CTCF: variants seen among roughly 807,000 people sequenced by gnomAD.
CTCF encodes transcriptional repressor CTCF.
Under a neutral mutation model 72.3 loss-of-function variants are expected in CTCF, and 7 were observed. The observed-to-expected ratio is 0.10, with a 90% CI of 0.06 to 0.18. CTCF has a LOEUF of 0.18. CTCF is among the 10% of genes least tolerant of loss of function. The pLI is 1.00. For synonymous variants in CTCF, 374 were observed against 315.8 expected (o/e 1.18, Z -1.95); for missense variants, 516 against 949.1 (o/e 0.54, Z 6.00).
At chr16:67,614,346 CAA>C (rs1216599508) in intron 4 of CTCF, 11 of 39,556 alleles carry the variant, frequency 2.8e-4, no homozygotes, top group East Asian at 8.1e-4. Context: ...GACTCCATCT[CAA>C]AAAAAAAAAA....
chr16:67,618,677 A>G (rs2052163982), intron 5 of CTCF, among the ~76,000 whole-genome samples: 1 of 152,218 alleles, frequency 6.6e-6, no homozygotes, highest in Admixed American at 6.5e-5. Context: ...ATAAGAGTTC[A>G]GTTCACTGGC....
chr16:67,622,579 T>C (rs1247030758), intron 7 of CTCF, among the ~76,000 whole-genome samples: 1 of 151,962 alleles, frequency 6.6e-6, no homozygotes, highest in Non-Finnish European at 1.5e-5. Context: ...CAGTTCTTTA[T>C]GAGTGAGCGA....
rs1449578407 is a variant in CTCF at position 67,638,064 on chromosome 16, C to T, written c.*192C>T. On this transcript the variant is annotated 3_prime_UTR_variant, in exon 12 of 12. Coordinates refer to ENST00000264010, the MANE Select transcript of CTCF (RefSeq NM_006565.4). Reference sequence around the variant, plus strand: ...ACTAGAACTTGCTGTCTGATGTTAGCAAATCATGGAATGTTCTGAGTCCCT... The same window carrying T: ...ACTAGAACTTGCTGTCTGATGTTAGTAAATCATGGAATGTTCTGAGTCCCT... 2 of 570,606 alleles carry T rather than the reference C, an allele frequency of 3.5e-6. No individual in the cohort carries two copies. Among genetic ancestry groups the T allele is most frequent in the Non-Finnish European group, 6.1e-6 (2 of 325,636 alleles). The allele number at this position is 570,606 out of a possible 1,614,324, so 35.3% of individuals were successfully genotyped here. A position where few individuals can be genotyped will look rare whatever the true frequency, so the allele number is the denominator to read the frequency against.
chr16:67,604,793 A>G (rs1287822380), intron 2 of CTCF, among the ~76,000 whole-genome samples: 1 of 144,772 alleles, frequency 6.9e-6, no homozygotes, highest in African/African-American at 2.6e-5. Flanking sequence ...TTTTTACTTA[A>G]AATTACATAT....
At chr16:67,634,293 C>A (rs1452289779) in intron 10 of CTCF, among the ~76,000 whole-genome samples, 6 of 151,888 alleles carry the variant, frequency 4.0e-5, no homozygotes, top group Admixed American at 3.9e-4. Context: ...CTGCAACCTC[C>A]GCCTCCCAGG....
chr16:67,566,863 GC>G (rs2051349466), intron 1 of CTCF, among the ~76,000 whole-genome samples: 1 of 151,510 alleles, frequency 6.6e-6, no homozygotes, highest in Non-Finnish European at 1.5e-5. Context: ...GAGCCACCGT[GC>G]CCGGCCTGTG....
rs1005422653 is a variant in CTCF, at chr16:67,622,272, C to T, written c.1357+681C>T. On this transcript the variant is annotated intron_variant, in intron 7 of 11. Transcript: ENST00000264010. ...TCGGGAGGCTGAGGCAGGAGAATGG[C>T]GTGAACCTGGGAGGTGGAGCTTGCA... Among the ~76,000 whole-genome samples, 7 of 151,684 alleles carry T rather than the reference C, an allele frequency of 4.6e-5. No individual in the cohort carries two copies. The South Asian group carries it at 6.3e-4, about 14-fold the overall frequency.
At chr16:67,619,757 T>A (rs1290415901) in intron 5 of CTCF, among the ~76,000 whole-genome samples, 3 of 152,146 alleles carry the variant, frequency 2.0e-5, no homozygotes, top group Admixed American at 2.0e-4. Flanking sequence ...CTAATTTTTG[T>A]ATTTTTTGTA....
chr16:67,621,305 A>G, intron 6 of CTCF, 137 bp from the exon 7 acceptor site: 1 of 626,478 alleles, frequency 1.6e-6, no homozygotes, highest in East Asian at 2.8e-5. Context: ...AGATCCGGGA[A>G]CTGGGACTGA....
chr16:67,614,735 T>G (rs2052109240), intron 4 of CTCF: 1 of 152,206 alleles, frequency 6.6e-6, no homozygotes, highest in Non-Finnish European at 1.5e-5. Flanking sequence ...TAATCCCAAC[T>G]ACTCGGGAGG....
chr16:67,591,722 G>C (rs75677655), intron 2 of CTCF, among the ~76,000 whole-genome samples: 9 of 146,650 alleles, frequency 6.1e-5, no homozygotes, highest in East Asian at 3.9e-4. Context: ...TACTTTTTTT[G>C]GGGGGGGGCA....
chr16:67,576,857 T>C (rs1463679009), intron 2 of CTCF, among the ~76,000 whole-genome samples: 2 of 152,142 alleles, frequency 1.3e-5, no homozygotes, highest in Non-Finnish European at 2.9e-5. Flanking sequence ...GTAGCCATTA[T>C]GTATAAAAAA....
Position 67,616,653 on chromosome 16 carries a change from C to T in CTCF, c.953-92C>T, listed in dbSNP as rs1029520601. ...TGCAGTTGATGGGATGAATAGGGTTCCAGTCTCATAGCAGTTCTGTGCCAC... is the reference window on the plus strand; with the variant it reads ...TGCAGTTGATGGGATGAATAGGGTTTCAGTCTCATAGCAGTTCTGTGCCAC... On this transcript the variant is annotated intron_variant, in intron 4 of 11. Transcript: ENST00000264010. 72 of 1,430,076 alleles carry T rather than the reference C, an allele frequency of 5.0e-5. 1 individual carries two copies. In the South Asian group the frequency reaches 8.6e-4, roughly 17 times the overall value. 88.6% of individuals were successfully genotyped at this position (1,430,076 alleles called of 1,614,324 possible). A position where few individuals can be genotyped will look rare whatever the true frequency, so the allele number is the denominator to read the frequency against.
At chr16:67,623,048 G>A (rs548706882) in intron 7 of CTCF, among the ~76,000 whole-genome samples, 7 of 151,400 alleles carry the variant, frequency 4.6e-5, no homozygotes, top group Non-Finnish European at 8.8e-5. Flanking sequence ...TGCAACCTCC[G>A]CCTCCTGGGT....
chr16:67,613,272 G>T (rs752349372), intron 4 of CTCF, among the ~76,000 whole-genome samples: 3 of 152,158 alleles, frequency 2.0e-5, no homozygotes, highest in Admixed American at 1.3e-4. Flanking sequence ...TCTTGTTTTT[G>T]ATTTTTAGGT....
chr16:67,616,554 C>T, intron 4 of CTCF, 191 bp from the exon 5 acceptor site: 3 of 611,696 alleles, frequency 4.9e-6, no homozygotes, highest in Non-Finnish European at 8.7e-6. Flanking sequence ...TTATAATATC[C>T]TGGTGTTAGT....
chr16:67,577,288 G>A (rs1422218163), intron 2 of CTCF, among the ~76,000 whole-genome samples: 22 of 150,630 alleles, frequency 1.5e-4, no homozygotes, highest in Non-Finnish European at 2.7e-4. Flanking sequence ...ATGGTGGCGG[G>A]CGCCTGTAGT....
intron 2 of CTCF, among the ~76,000 whole-genome samples, chr16:67,592,238 C>A (rs2051754571): frequency 6.6e-6 from 1 of 151,958 alleles, no homozygotes; most frequent in South Asian, 2.1e-4. Context: ...ATAGTGAAAC[C>A]CTGTCTCTAC....
At chr16:67,602,079 G>T (rs1053879887) in intron 2 of CTCF, among the ~76,000 whole-genome samples, 10 of 152,078 alleles carry the variant, frequency 6.6e-5, no homozygotes, top group Admixed American at 6.6e-4. Flanking sequence ...GGTCAGGCTG[G>T]TCGTGAACTC....
Sources: gnomAD v4.1 joint callset for allele counts (sites outside exome capture counted in the v4.1 genomes callset) on GRCh38, gnomAD v4.1.1 for gene constraint, MANE v1.5 for transcripts, NCBI Gene and HGNC (gene_info 2026-07-23, HGNC 2026-07-21) for gene names.